FANK1: variants seen among roughly 807,000 people sequenced by gnomAD.
FANK1 encodes fibronectin type III and ankyrin repeat domains 1, also known as fibronectin type 3 and ankyrin repeat domains protein 1.
In FANK1, 44 loss-of-function variants were observed where a neutral mutation model predicts 45.3. That is an observed-to-expected ratio of 0.97 (90% CI 0.76 to 1.25). The LOEUF is 1.25. FANK1 is among the 50% of genes most tolerant of loss of function. FANK1 has a pLI of 0.00. For missense variants in FANK1, 391 were observed against 424.4 expected, an observed-to-expected ratio of 0.92 and a Z score of 0.69; for synonymous variants, 149 against 152.5, an observed-to-expected ratio of 0.98 and a Z score of 0.17.
intron 1 of FANK1, among the ~76,000 whole-genome samples, chr10:125,971,162 C>G (rs1017213787): frequency 4.6e-5 from 7 of 152,148 alleles, no homozygotes; most frequent in African/African-American, 1.7e-4. Context: ...AGCTATCTTG[C>G]TAATTGTTTC....
chr10:125,954,810 A>G (rs1169265919), intron 1 of FANK1, among the ~76,000 whole-genome samples: 1 of 152,134 alleles, frequency 6.6e-6, no homozygotes, highest in Non-Finnish European at 1.5e-5. Context: ...GTCTTCAGCT[A>G]CTTGGGAGGC....
intron 1 of FANK1, among the ~76,000 whole-genome samples, chr10:125,936,159 A>T (rs1179300817): frequency 1.3e-5 from 2 of 152,176 alleles, no homozygotes; most frequent in African/African-American, 4.8e-5. Flanking sequence ...AAGCTCAAAC[A>T]CCAGACTTCA....
chr10:125,942,591 A>C (rs1356489990), intron 1 of FANK1, among the ~76,000 whole-genome samples: 1 of 152,214 alleles, frequency 6.6e-6, no homozygotes, highest in African/African-American at 2.4e-5. Flanking sequence ...ATTAACTAAA[A>C]ACAAGAAAAT....
intron 1 of FANK1, among the ~76,000 whole-genome samples, chr10:125,897,396 C>T (rs8181470): frequency 1.4e-5 from 2 of 146,452 alleles, no homozygotes; most frequent in Admixed American, 6.8e-5. Context: ...TTTCTCTGCC[C>T]CGCCTAAGCT....
intron 1 of FANK1, among the ~76,000 whole-genome samples, chr10:125,946,225 T>C (rs1429137378): frequency 5.9e-5 from 9 of 151,982 alleles, no homozygotes; most frequent in Non-Finnish European, 1.3e-4. Flanking sequence ...AGGAACGCAG[T>C]TCCTCACCAG....
chr10:125,970,318 C>T (rs994657998), intron 1 of FANK1, among the ~76,000 whole-genome samples: 29 of 151,498 alleles, frequency 1.9e-4, no homozygotes, highest in African/African-American at 2.4e-4. Flanking sequence ...GGGCGGCGGC[C>T]GGGCGGAGGC....
chr10:125,954,057 C>T (rs897895659), intron 1 of FANK1, among the ~76,000 whole-genome samples: 5 of 93,234 alleles, frequency 5.4e-5, no homozygotes, highest in Non-Finnish European at 8.1e-5. Flanking sequence ...CACAGTGTGT[C>T]CCTGCTGCTG....
intron 1 of FANK1, among the ~76,000 whole-genome samples, chr10:125,933,753 T>C (rs531698349): frequency 6.6e-6 from 1 of 152,250 alleles, no homozygotes; most frequent in East Asian, 1.9e-4. Flanking sequence ...TTCAATCTTT[T>C]TGATTTAGGT....
intron 1 of FANK1, among the ~76,000 whole-genome samples, chr10:125,962,746 T>C (rs974290956): frequency 6.6e-6 from 1 of 152,154 alleles, no homozygotes; most frequent in African/African-American, 2.4e-5. Context: ...ATAGATGTCA[T>C]TTCTGGGTTT....
Position 125,988,817 on chromosome 10 carries a change from A to C in FANK1, c.316+142A>C, listed in dbSNP as rs745774554. 3.9e-6 allele frequency: 5 copies of C among 1,279,506 alleles called. No homozygotes were observed. The African/African-American group carries it at 7.3e-5, about 19-fold the overall frequency. 79.3% of individuals were successfully genotyped at this position (1,279,506 alleles called of 1,614,324 possible). On this transcript the variant is annotated intron_variant, in intron 3 of 10. Coordinates refer to ENST00000368693, the MANE Select transcript of FANK1 (RefSeq NM_145235.5). ...TTTAAACACTGCAATAATATTTGCT[A>C]GTTGGGCCTTGCCATAACTTGTAAT... is the stretch of plus-strand genomic sequence containing the variant.
intron 1 of FANK1, among the ~76,000 whole-genome samples, chr10:125,917,879 TC>T (rs1168471129): frequency 2.6e-5 from 4 of 152,308 alleles, no homozygotes; most frequent in African/African-American, 9.6e-5. Context: ...GCCCAAGAGT[TC>T]AAGACCAGGC....
chr10:125,912,488 T>TGTG (rs1564862333), intron 1 of FANK1, among the ~76,000 whole-genome samples: 5 of 138,008 alleles, frequency 3.6e-5, no homozygotes, highest in African/African-American at 1.1e-4. Context: ...GTGTGTGTGT[T>TGTG]TTTGAGATTA....
intron 1 of FANK1, among the ~76,000 whole-genome samples, chr10:125,931,353 G>C (rs1291602598): frequency 6.6e-6 from 1 of 152,152 alleles, no homozygotes; most frequent in Non-Finnish European, 1.5e-5. Context: ...AGTGTTTCCT[G>C]TTCACTGCAC....
intron 1 of FANK1, among the ~76,000 whole-genome samples, chr10:125,947,874 C>T (rs1283370379): frequency 7.2e-6 from 1 of 138,060 alleles, no homozygotes; most frequent in African/African-American, 2.6e-5. Context: ...GTAAAGCTCT[C>T]CTCAGCAAAT....
chr10:125,975,599 T>C (rs943252650), intron 1 of FANK1, among the ~76,000 whole-genome samples: 2 of 152,250 alleles, frequency 1.3e-5, no homozygotes, highest in African/African-American at 4.8e-5. Flanking sequence ...ATGTCTTCTT[T>C]TGAGAAGTGT....
chr10:125,952,486 A>G (rs548134100), intron 1 of FANK1, among the ~76,000 whole-genome samples: 3 of 152,176 alleles, frequency 2.0e-5, no homozygotes, highest in African/African-American at 7.2e-5. Flanking sequence ...AAGTTCAGAG[A>G]AGATGTTTTT....
intron 1 of FANK1, chr10:125,907,506 A>AG: frequency 2.0e-6 from 2 of 985,054 alleles, no homozygotes; most frequent in Non-Finnish European, 2.4e-6. Flanking sequence ...AGTGAACGTG[A>AG]GTAGGATCTG....
intron 1 of FANK1, among the ~76,000 whole-genome samples, chr10:125,912,144 G>A (rs1414106396): frequency 6.6e-6 from 1 of 152,180 alleles, no homozygotes; most frequent in Non-Finnish European, 1.5e-5. Flanking sequence ...CACACAGCAC[G>A]TGTGTGGCCC....
At chr10:125,997,064 A>G (rs191382923) in intron 5 of FANK1, among the ~76,000 whole-genome samples, 62 of 152,336 alleles carry the variant, frequency 4.1e-4, no homozygotes, top group Non-Finnish European at 7.9e-4. Context: ...TTTTAATTAA[A>G]TGCCATTTGA....
Sources: gnomAD v4.1 joint callset for allele counts (sites outside exome capture counted in the v4.1 genomes callset) on GRCh38, gnomAD v4.1.1 for gene constraint, MANE v1.5 for transcripts, NCBI Gene and HGNC (gene_info 2026-07-23, HGNC 2026-07-21) for gene names.